Variants in RGL1 observed in about 807,000 individuals in gnomAD.
RGL1 encodes the protein ral guanine nucleotide dissociation stimulator like 1.
Under a neutral mutation model 95.2 loss-of-function variants are expected in RGL1, and 24 were observed. The observed-to-expected ratio is 0.25, with a 90% CI of 0.18 to 0.35. The LOEUF is 0.35. RGL1 is among the 10% of genes least tolerant of loss of function. The pLI is 1.00. For missense variants in RGL1, 715 were observed against 936.3 expected, an observed-to-expected ratio of 0.76 and a Z score of 3.08; for synonymous variants, 329 against 344.9, an observed-to-expected ratio of 0.95 and a Z score of 0.51.
chr1:183,922,373 G>A (rs747758920), intron 17 of RGL1, 37 bp downstream of exon 17: 1 of 1,505,684 alleles, frequency 6.6e-7, no homozygotes, highest in African/African-American at 1.4e-5. Context: ...TTCCTTCCCA[G>A]GGCAGGTGGC....
intron 3 of RGL1, among the ~76,000 whole-genome samples, chr1:183,861,850 C>A (rs1397796930): frequency 6.6e-6 from 1 of 152,064 alleles, no homozygotes; most frequent in East Asian, 1.9e-4. Context: ...TATTTACTAC[C>A]CTGGAATAAG....
chr1:183,690,990 G>T (rs1653914045), intron 1 of RGL1, among the ~76,000 whole-genome samples: 1 of 151,984 alleles, frequency 6.6e-6, no homozygotes, highest in Non-Finnish European at 1.5e-5. Context: ...CCTGATTGGG[G>T]TTCACTGAGA....
intron 2 of RGL1, among the ~76,000 whole-genome samples, chr1:183,790,789 C>T (rs1316828235): frequency 6.6e-6 from 1 of 152,140 alleles, no homozygotes; most frequent in Non-Finnish European, 1.5e-5. Context: ...CAATGCCTTT[C>T]TGTTGGGTTT....
intron 2 of RGL1, among the ~76,000 whole-genome samples, chr1:183,823,680 C>G (rs16861554): frequency 6.6e-6 from 1 of 152,026 alleles, no homozygotes. Flanking sequence ...ATAGAGATCT[C>G]AGGAGAGAGT....
intron 1 of RGL1, among the ~76,000 whole-genome samples, chr1:183,715,077 G>A (rs757826924): frequency 4.1e-4 from 62 of 152,238 alleles, no homozygotes; most frequent in Non-Finnish European, 6.9e-4. Flanking sequence ...GAAAGGTTAG[G>A]AAACTTTTTT....
intron 2 of RGL1, chr1:183,754,534 T>G (rs777026674): frequency 6.6e-6 from 1 of 152,210 alleles, no homozygotes; most frequent in Non-Finnish European, 1.5e-5. Flanking sequence ...TACTTTCTTC[T>G]TGAAGCTCCA....
intron 2 of RGL1, among the ~76,000 whole-genome samples, chr1:183,841,161 T>C (rs1664033629): frequency 6.6e-6 from 1 of 152,216 alleles, no homozygotes; most frequent in African/African-American, 2.4e-5. Flanking sequence ...ATTTAGTTAA[T>C]ATGTAGCTGA....
At chr1:183,685,521 A>G (rs1653520964) in intron 1 of RGL1, among the ~76,000 whole-genome samples, 1 of 152,218 alleles carries the variant, frequency 6.6e-6, no homozygotes, top group South Asian at 2.1e-4. Context: ...TTAATGTTAC[A>G]TACAATTACA....
chr1:183,845,131 T>C (rs1664331004), intron 2 of RGL1, among the ~76,000 whole-genome samples: 1 of 152,120 alleles, frequency 6.6e-6, no homozygotes, highest in South Asian at 2.1e-4. Flanking sequence ...GTCTCTTCTT[T>C]AATTTTCACA....
At chr1:183,772,386 G>A (rs939990322) in intron 2 of RGL1, among the ~76,000 whole-genome samples, 1 of 152,194 alleles carries the variant, frequency 6.6e-6, no homozygotes, top group South Asian at 2.1e-4. Flanking sequence ...CCACACCTCC[G>A]TCACGTCCTG....
intron 4 of RGL1, 151 bp downstream of exon 4, chr1:183,866,224 C>A: frequency 1.6e-6 from 1 of 626,332 alleles, no homozygotes; most frequent in Non-Finnish European, 2.8e-6. Flanking sequence ...TAACAATATT[C>A]ATTTATGTAT....
In RGL1 at chr1:183,893,158, G is replaced by A. The variant is rs1358393745; in HGVS notation, c.1140+997G>A. Among the ~76,000 whole-genome samples the A allele has an allele frequency of 2.0e-5, 3 of 152,292 alleles. No individual in the cohort carries two copies. In the East Asian group the frequency reaches 5.8e-4, roughly 29 times the overall value. ...ATTGGTTGAGCACCCACTAGGTATT[G>A]GGGATAAAACCATATTAAAGGCAGT... On this transcript the variant is annotated intron_variant, in intron 9 of 17. Coordinates refer to ENST00000360851, the MANE Select transcript of RGL1 (RefSeq NM_001297671.3).
chr1:183,683,835 C>G (rs1440672957), intron 1 of RGL1, among the ~76,000 whole-genome samples: 2 of 152,154 alleles, frequency 1.3e-5, no homozygotes, highest in Admixed American at 1.3e-4. Flanking sequence ...TTCACATAGT[C>G]CCATATTTCT....
chr1:183,875,941 T>C (rs1558264998), intron 4 of RGL1, among the ~76,000 whole-genome samples: 1 of 151,928 alleles, frequency 6.6e-6, no homozygotes, highest in East Asian at 1.9e-4. Context: ...CAACTCTTTA[T>C]ATTTTTTAGT....
At chr1:183,801,179 T>TC, upstream of RGL1, among the ~76,000 whole-genome samples, 1 of 126,220 alleles carries the variant, frequency 7.9e-6, no homozygotes, top group Admixed American at 7.5e-5. Flanking sequence ...GTGTGTGTGT[T>TC]TAATAATGGC....
chr1:183,925,402 G>A lies in RGL1; in HGVS notation c.2120-703G>A, dbSNP rs557930096. ...TAATGCATGCAGGACTTAAAACCTA[G>A]ATGACAGATTGATAGGTGCAGCACA... is the stretch of plus-strand genomic sequence containing the variant. On this transcript the variant is annotated intron_variant, in intron 17 of 17. Transcript: ENST00000360851. Among the ~76,000 whole-genome samples the A allele has an allele frequency of 2.0e-5, 3 of 152,322 alleles. No homozygotes were observed. In the South Asian group the frequency reaches 6.2e-4, roughly 32 times the overall value.
chr1:183,888,853 G>A (rs1258484566), intron 8 of RGL1, among the ~76,000 whole-genome samples: 2 of 152,014 alleles, frequency 1.3e-5, no homozygotes, highest in Non-Finnish European at 2.9e-5. Flanking sequence ...TGAGGGATAA[G>A]GTTGTGGAGT....
chr1:183,783,037 C>CG (rs1358190169), intron 2 of RGL1, among the ~76,000 whole-genome samples: 1 of 152,024 alleles, frequency 6.6e-6, no homozygotes, highest in Admixed American at 6.6e-5. Flanking sequence ...AAAAGATAAC[C>CG]GGGGGAGGGT....
chr1:183,918,834 G>A (rs1381713205), intron 16 of RGL1, among the ~76,000 whole-genome samples: 1 of 152,200 alleles, frequency 6.6e-6, no homozygotes, highest in Non-Finnish European at 1.5e-5. Context: ...CTGGAGAGAC[G>A]ACACACTGCT....
Sources: allele counts gnomAD v4.1 joint callset (sites outside exome capture counted in the v4.1 genomes callset), GRCh38; gene constraint gnomAD v4.1.1; transcripts MANE v1.5; gene names NCBI Gene and HGNC (gene_info 2026-07-23, HGNC 2026-07-21).